The following RAD51B variants were observed in gnomAD, a reference collection of about 807,000 sequenced individuals.
RAD51B encodes the protein DNA repair protein RAD51 homolog 2.
A neutral mutation model predicts 42.2 loss-of-function variants in RAD51B; 38 were observed. The observed-to-expected ratio is 0.90, with a 90% CI of 0.70 to 1.18. RAD51B has a LOEUF of 1.18. Ranked by LOEUF, RAD51B falls within the 50% of genes most tolerant of loss-of-function variation. RAD51B has a pLI of 0.00. For missense variants in RAD51B, 373 were observed against 400.7 expected, an observed-to-expected ratio of 0.93 and a Z score of 0.59; for synonymous variants, 154 against 145.2, an observed-to-expected ratio of 1.06 and a Z score of -0.43.
intron 10 of RAD51B, among the ~76,000 whole-genome samples, chr14:68,472,750 G>A (rs751977001): frequency 2.6e-5 from 4 of 152,312 alleles, no homozygotes; most frequent in East Asian, 1.9e-4. Context: ...AGACAGGTCC[G>A]GAGAAGGTGC....
intron 7 of RAD51B, among the ~76,000 whole-genome samples, chr14:68,239,269 CT>C (rs1228104130): frequency 3.3e-5 from 5 of 152,164 alleles, no homozygotes. Flanking sequence ...CCTTCTCTGA[CT>C]CCCTTTCTCA....
intron 4 of RAD51B, among the ~76,000 whole-genome samples, chr14:67,846,274 CAT>C (rs1322589669): frequency 5.9e-5 from 9 of 152,218 alleles, no homozygotes; most frequent in East Asian, 3.9e-4. Flanking sequence ...TGCCAGTCTC[CAT>C]GTGTGTGTTC....
chr14:68,264,156 CAG>C (rs2080939745), intron 7 of RAD51B, among the ~76,000 whole-genome samples: 3 of 152,174 alleles, frequency 2.0e-5, no homozygotes, highest in South Asian at 4.1e-4. Context: ...TTGCTTAAAA[CAG>C]GGGTGAGGAT....
intron 7 of RAD51B, among the ~76,000 whole-genome samples, chr14:68,253,018 G>A (rs1322173384): frequency 6.6e-6 from 1 of 151,886 alleles, no homozygotes; most frequent in Non-Finnish European, 1.5e-5. Context: ...GGGCGGCGGA[G>A]GTTGCAGTGA....
intron 10 of RAD51B, among the ~76,000 whole-genome samples, chr14:68,641,753 G>T (rs1293568960): frequency 6.6e-5 from 10 of 151,786 alleles, no homozygotes; most frequent in Non-Finnish European, 4.4e-5. Context: ...CAGAGACAGG[G>T]TTTCACTATG....
intron 8 of RAD51B, among the ~76,000 whole-genome samples, chr14:68,384,167 A>T (rs2083541227): frequency 6.6e-6 from 1 of 152,204 alleles, no homozygotes; most frequent in East Asian, 1.9e-4. Context: ...GTTTATTTTA[A>T]TTTTTTTCTT....
chr14:68,185,770 G>C (rs1021295508), intron 7 of RAD51B, among the ~76,000 whole-genome samples: 3 of 152,140 alleles, frequency 2.0e-5, no homozygotes. Context: ...CAAATGTGCA[G>C]TTCACAATAG....
intron 8 of RAD51B, among the ~76,000 whole-genome samples, chr14:68,326,043 T>C (rs1424789248): frequency 2.1e-5 from 3 of 139,992 alleles, no homozygotes; most frequent in East Asian, 2.0e-4. Context: ...CTTTTCTTTT[T>C]TTTTTTTTTT....
At chr14:68,277,244 A>G (rs1423783881) in intron 7 of RAD51B, among the ~76,000 whole-genome samples, 1 of 152,232 alleles carries the variant, frequency 6.6e-6, no homozygotes, top group Non-Finnish European at 1.5e-5. Flanking sequence ...CCTCAGAGAC[A>G]GCCATAGGTC....
intron 9 of RAD51B, among the ~76,000 whole-genome samples, chr14:68,435,402 A>G (rs575289342): frequency 6.6e-6 from 1 of 151,720 alleles, no homozygotes; most frequent in South Asian, 2.1e-4. Context: ...TTCTTTATCC[A>G]GTCCACCATT....
chr14:68,139,219 A>G (rs2078074465), intron 7 of RAD51B, among the ~76,000 whole-genome samples: 1 of 152,178 alleles, frequency 6.6e-6, no homozygotes, highest in Admixed American at 6.5e-5. Flanking sequence ...GTGCAATTCA[A>G]AACATTTATT....
intron 10 of RAD51B, among the ~76,000 whole-genome samples, chr14:68,589,686 G>T (rs981574739): frequency 2.0e-5 from 3 of 152,146 alleles, no homozygotes; most frequent in Non-Finnish European, 2.9e-5. Flanking sequence ...GCCTGGCCAG[G>T]CCCCTAGTCT....
intron 10 of RAD51B, among the ~76,000 whole-genome samples, chr14:68,621,689 G>A (rs991923909): frequency 3.9e-5 from 6 of 152,178 alleles, no homozygotes; most frequent in African/African-American, 9.6e-5. Context: ...TTTCTCCTAC[G>A]GGAGAAAAAA....
intron 10 of RAD51B, chr14:68,610,955 T>G (rs1891657588): frequency 1.5e-6 from 1 of 683,652 alleles, no homozygotes; most frequent in African/African-American, 1.8e-5. Context: ...CTACACATCT[T>G]TAATAAAAGT....
intron 7 of RAD51B, among the ~76,000 whole-genome samples, chr14:68,091,817 T>G (rs1359167265): frequency 6.6e-6 from 1 of 152,180 alleles, no homozygotes; most frequent in Non-Finnish European, 1.5e-5. Context: ...TCTTCTAGGG[T>G]TTTTATGGTT....
chr14:68,446,742 G>T (rs1490402386), intron 9 of RAD51B, among the ~76,000 whole-genome samples: 1 of 152,142 alleles, frequency 6.6e-6, no homozygotes, highest in East Asian at 1.9e-4. Flanking sequence ...TGTTCCAGGT[G>T]GAAGGAGGAA....
intron 8 of RAD51B, chr14:68,339,071 C>T (rs1313702289): frequency 8.8e-6 from 6 of 678,080 alleles, no homozygotes; most frequent in Admixed American, 2.0e-5. Flanking sequence ...TCATCACCAG[C>T]TGAGCTTTCT....
At chr14:68,422,347 G>T (rs2084725139) in intron 9 of RAD51B, among the ~76,000 whole-genome samples, 1 of 152,036 alleles carries the variant, frequency 6.6e-6, no homozygotes, top group Non-Finnish European at 1.5e-5. Context: ...TGGATCACGA[G>T]GTCAGGAGTT....
intron 10 of RAD51B, chr14:68,497,419 T>C (rs1884607767): frequency 1.8e-6 from 2 of 1,112,056 alleles, no homozygotes; most frequent in Admixed American, 1.0e-4. Context: ...GCACTGACAA[T>C]GGGCACACAG....
Sources: allele counts gnomAD v4.1 joint callset (sites outside exome capture counted in the v4.1 genomes callset), GRCh38; gene constraint gnomAD v4.1.1; transcripts MANE v1.5; gene names NCBI Gene and HGNC (gene_info 2026-07-23, HGNC 2026-07-21).